The following SUSD6 variants were observed in gnomAD, a reference collection of about 807,000 sequenced individuals.
SUSD6 encodes the protein sushi domain-containing protein 6.
A neutral mutation model predicts 28.4 loss-of-function variants in SUSD6; 16 were observed. The observed-to-expected ratio is 0.56, with a 90% CI of 0.38 to 0.86. SUSD6 has a LOEUF of 0.86. Ranked by LOEUF, SUSD6 falls within the 40% of genes least tolerant of loss-of-function variation. The pLI, the probability that SUSD6 is intolerant of heterozygous loss-of-function variation, is 0.00. For missense variants in SUSD6, 341 were observed against 384.2 expected (o/e 0.89, Z 0.94); for synonymous variants, 147 against 159.6 (o/e 0.92, Z 0.59).
At chr14:69,700,547 C>G (rs1318279316) in intron 2 of SUSD6, among the ~76,000 whole-genome samples, 1 of 152,188 alleles carries the variant, frequency 6.6e-6, no homozygotes, top group African/African-American at 2.4e-5. Context: ...TCAACCCAGC[C>G]AAACTGGGCT....
chr14:69,653,697 C>G (rs1055995145), intron 1 of SUSD6, among the ~76,000 whole-genome samples: 2 of 135,458 alleles, frequency 1.5e-5, no homozygotes, highest in Admixed American at 7.6e-5. Flanking sequence ...TTTGTTTAAA[C>G]AAAGTTTTAG....
chr14:69,662,732 T>TC (rs1885681328), intron 2 of SUSD6, among the ~76,000 whole-genome samples: 3 of 152,358 alleles, frequency 2.0e-5, no homozygotes, highest in South Asian at 4.1e-4. Context: ...TTCTCAGGTC[T>TC]CCAAGTCTTT....
rs1244721366 is a variant in SUSD6, at chr14:69,711,290, C to T, written c.*311C>T. The T allele has an allele frequency of 4.7e-6, 2 of 422,586 alleles. No individual in the cohort carries two copies. Among genetic ancestry groups the T allele is most frequent in the Non-Finnish European group, 8.6e-6 (2 of 231,652 alleles). 26.2% of individuals were successfully genotyped at this position (422,586 alleles called of 1,614,324 possible). On this transcript the variant is annotated 3_prime_UTR_variant, in exon 6 of 6. Transcript: ENST00000342745. ...CCTAAGCCTCTGGGTCCCCTCCAGC[C>T]AGCTCTTTGGCGGCAGCCCCCACCA...
rs1004523040 is a variant in SUSD6 at position 69,645,470 on chromosome 14, T to TA, written c.-80-13041dup. The stretch of plus-strand genomic sequence containing the variant: ...GAGAGACTTTGTTGTTGTTGAACAC[T>TA]AAGGAAGCAGGAAACTTTAAGCTGT... On this transcript the variant is annotated intron_variant, in intron 1 of 5. Coordinates refer to ENST00000342745, the MANE Select transcript of SUSD6 (RefSeq NM_014734.4). 1.7e-3 allele frequency among the ~76,000 whole-genome samples: 260 copies of TA among 152,294 alleles called. 4 individuals are homozygous for TA. The highest frequency in any genetic ancestry group is 6.0e-3 in the African/African-American group (250 of 41,554).
At chr14:69,615,602 C>T (rs968967034) in intron 1 of SUSD6, 1 of 152,224 alleles carries the variant, frequency 6.6e-6, no homozygotes, top group Non-Finnish European at 1.5e-5. Flanking sequence ...AGTCGCTCCA[C>T]TGGTGGACCT....
intron 1 of SUSD6, among the ~76,000 whole-genome samples, chr14:69,645,598 A>G (rs757187950): frequency 6.6e-5 from 10 of 152,144 alleles, no homozygotes; most frequent in African/African-American, 2.2e-4. Context: ...AGCTATCTGG[A>G]CCATTTAGGA....
chr14:69,622,786 G>A (rs1885060383), intron 1 of SUSD6, among the ~76,000 whole-genome samples: 1 of 152,020 alleles, frequency 6.6e-6, no homozygotes, highest in African/African-American at 2.4e-5. Flanking sequence ...TAGAGATGAA[G>A]TTTCACTATG....
rs188261199 is a variant in SUSD6 at position 69,699,007 on chromosome 14, G to A, written c.122-4388G>A. ...CTGGAATTGTCAGAGAATGATCCTG[G>A]TGCACAGATCAAGACAGTTTCTTGC... On this transcript the variant is annotated intron_variant, in intron 2 of 5. Coordinates refer to ENST00000342745, the MANE Select transcript of SUSD6 (RefSeq NM_014734.4). Among the ~76,000 whole-genome samples, 60 of 152,246 alleles carry A rather than the reference G, an allele frequency of 3.9e-4. 1 individual carries two copies. In the East Asian group the frequency reaches 9.5e-3, roughly 24 times the overall value.
At chr14:69,648,421 G>A (rs1369483323) in intron 1 of SUSD6, among the ~76,000 whole-genome samples, 4 of 152,088 alleles carry the variant, frequency 2.6e-5, no homozygotes, top group African/African-American at 9.7e-5. Flanking sequence ...TTTTTGTTTT[G>A]ACCTGAGAAC....
chr14:69,623,465 G>C (rs1381805369), intron 1 of SUSD6, among the ~76,000 whole-genome samples: 1 of 152,108 alleles, frequency 6.6e-6, no homozygotes, highest in Non-Finnish European at 1.5e-5. Flanking sequence ...ATTATGTATA[G>C]TACATAATAC....
chr14:69,620,835 A>T (rs1384679761), intron 1 of SUSD6, among the ~76,000 whole-genome samples: 1 of 152,216 alleles, frequency 6.6e-6, no homozygotes, highest in African/African-American at 2.4e-5. Flanking sequence ...TTTAATTAAA[A>T]GAAAAAAGGA....
rs182867753 is a variant in SUSD6 at position 69,680,289 on chromosome 14, T to C, written c.121+21576T>C. On this transcript the variant is annotated intron_variant, in intron 2 of 5. Coordinates refer to ENST00000342745, the MANE Select transcript of SUSD6 (RefSeq NM_014734.4). ...TCAGTGCCCTTACTCCTGGTTGTGT[T>C]TGTGCTGGAGTGGGAAGGTGTGTAG... Among the ~76,000 whole-genome samples the C allele has an allele frequency of 4.6e-5, 7 of 152,264 alleles. No individual in the cohort carries two copies. In the East Asian group the frequency reaches 1.3e-3, roughly 29 times the overall value.
At chr14:69,624,019 A>T (rs541265383) in intron 1 of SUSD6, among the ~76,000 whole-genome samples, 1 of 152,378 alleles carries the variant, frequency 6.6e-6, no homozygotes, top group African/African-American at 2.4e-5. Context: ...ACAGTAATGT[A>T]CAGTAATGTC....
At position 69,711,332 on chromosome 14, in the gene SUSD6, G is replaced by C. The variant is rs370397646; in HGVS notation, c.*353G>C. On this transcript the variant is annotated 3_prime_UTR_variant, in exon 6 of 6. Transcript: ENST00000342745. ...CCCCCACCAGCTCCTGTGGGCCTGAGTGCTGCTGTGTTTACTTGTGCCTTT... is the reference window on the plus strand; with the variant it reads ...CCCCCACCAGCTCCTGTGGGCCTGACTGCTGCTGTGTTTACTTGTGCCTTT... The C allele has an allele frequency of 5.2e-5, 18 of 343,446 alleles. No individual in the cohort carries two copies. The highest frequency in any genetic ancestry group is 3.8e-4 in the African/African-American group (18 of 47,754). The allele number at this position is 343,446 out of a possible 1,614,324, so 21.3% of individuals were successfully genotyped here.
chr14:69,619,854 C>T (rs1040755109), intron 1 of SUSD6, among the ~76,000 whole-genome samples: 17 of 152,176 alleles, frequency 1.1e-4, no homozygotes, highest in Admixed American at 3.9e-4. Context: ...CCCACACCTA[C>T]ACCCCATTAA....
intron 1 of SUSD6, among the ~76,000 whole-genome samples, chr14:69,648,440 T>TC (rs1885458755): frequency 6.6e-6 from 1 of 152,226 alleles, no homozygotes; most frequent in Non-Finnish European, 1.5e-5. Context: ...ACTCACTTTC[T>TC]CTGGTCATTT....
chr14:69,686,102 T>C (rs1020041070), intron 2 of SUSD6, among the ~76,000 whole-genome samples: 1 of 152,206 alleles, frequency 6.6e-6, no homozygotes, highest in South Asian at 2.1e-4. Flanking sequence ...CTAAAGTTGA[T>C]AGAATTGGAA....
intron 2 of SUSD6, among the ~76,000 whole-genome samples, chr14:69,683,642 T>C (rs1347154686): frequency 2.0e-5 from 3 of 152,086 alleles, no homozygotes; most frequent in African/African-American, 7.2e-5. Flanking sequence ...GGCTGCCTAG[T>C]TGGACTTGAT....
chr14:69,710,891 T>C (rs1886452296), intron 5 of SUSD6, 63 bp from the exon 6 acceptor site: 1 of 1,521,646 alleles, frequency 6.6e-7, no homozygotes, highest in East Asian at 2.3e-5. Context: ...TGCAGTGGGG[T>C]CGAGAGTGCT....
Sources: gnomAD v4.1 joint callset for allele counts (sites outside exome capture counted in the v4.1 genomes callset) on GRCh38, gnomAD v4.1.1 for gene constraint, MANE v1.5 for transcripts, NCBI Gene and HGNC (gene_info 2026-07-23, HGNC 2026-07-21) for gene names.